DENND5B: variants seen among roughly 807,000 people sequenced by gnomAD.
DENND5B encodes the protein DENN domain containing 5B.
In DENND5B, 34 loss-of-function variants were observed where a neutral mutation model predicts 140.6. The ratio of observed to expected loss-of-function variants is 0.24; its 90% confidence interval spans 0.18 to 0.32. The LOEUF (loss-of-function observed/expected upper bound fraction) is 0.32, where lower values mean the gene tolerates loss of function less well. Among genes scored for constraint, DENND5B ranks in the 10% least tolerant of loss-of-function variants. The pLI, the probability that DENND5B is intolerant of heterozygous loss-of-function variation, is 1.00. For synonymous variants in DENND5B, 551 were observed against 562.1 expected (o/e 0.98, Z 0.28); for missense variants, 1,142 against 1,560.2 (o/e 0.73, Z 4.52).
chr12:31,579,880 C>T lies in DENND5B; in HGVS notation c.127+10826G>A, dbSNP rs552767211. ...TTTTTGGAATCTCTGGCCAAGAGGA[C>T]CTTACATGGTGCCATCTTAAAAAGT... On this transcript the variant is annotated intron_variant, in intron 1 of 20. Transcript: ENST00000389082. 8.6e-5 allele frequency among the ~76,000 whole-genome samples: 13 copies of T among 151,558 alleles called. 1 individual carries two copies. The highest frequency in any genetic ancestry group is 6.6e-4 in the Admixed American group (10 of 15,172).
intron 13 of DENND5B, among the ~76,000 whole-genome samples, chr12:31,412,068 C>T (rs1942490505): frequency 1.3e-5 from 2 of 152,122 alleles, no homozygotes; most frequent in African/African-American, 4.8e-5. Flanking sequence ...CCTGATTCAG[C>T]CTCCAAGTAG....
At chr12:31,589,572 A>G (rs919203279) in intron 1 of DENND5B, among the ~76,000 whole-genome samples, 20 of 152,112 alleles carry the variant, frequency 1.3e-4, no homozygotes, top group Non-Finnish European at 2.5e-4. Flanking sequence ...ATTGTTTATT[A>G]TTTAATATAT....
chr12:31,435,689 C>G (rs1273584384), intron 7 of DENND5B, among the ~76,000 whole-genome samples: 1 of 152,118 alleles, frequency 6.6e-6, no homozygotes, highest in Non-Finnish European at 1.5e-5. Context: ...GAGACGGAGT[C>G]TTGTTCTGTC....
At chr12:31,486,520 A>G (rs1946315866) in intron 2 of DENND5B, among the ~76,000 whole-genome samples, 1 of 152,214 alleles carries the variant, frequency 6.6e-6, no homozygotes, top group Non-Finnish European at 1.5e-5. Context: ...TTTCACTGGG[A>G]TTCAGTCACA....
chr12:31,423,563 C>A (rs1353616476), intron 11 of DENND5B, 34 bp downstream of exon 11: 2 of 1,605,592 alleles, frequency 1.2e-6, no homozygotes, highest in African/African-American at 2.7e-5. Context: ...TCTCAGAGTC[C>A]AGTGCTGCTA....
chr12:31,511,410 G>A (rs1034898731), intron 1 of DENND5B, among the ~76,000 whole-genome samples: 7 of 151,668 alleles, frequency 4.6e-5, no homozygotes, highest in South Asian at 4.2e-4. Context: ...AACCACTATC[G>A]TACAAACACT....
intron 4 of DENND5B, among the ~76,000 whole-genome samples, chr12:31,453,725 C>T (rs1944642590): frequency 6.6e-6 from 1 of 152,132 alleles, no homozygotes; most frequent in Admixed American, 6.5e-5. Context: ...TCCTAGACGG[C>T]AAAGTAAGGG....
chr12:31,498,323 T>C (rs1263684849), intron 1 of DENND5B, among the ~76,000 whole-genome samples: 1 of 152,208 alleles, frequency 6.6e-6, no homozygotes, highest in Non-Finnish European at 1.5e-5. Context: ...TCTTCATTCA[T>C]GTATCAAGTT....
At chr12:31,512,829 T>G (rs1591958018) in intron 1 of DENND5B, among the ~76,000 whole-genome samples, 1 of 152,038 alleles carries the variant, frequency 6.6e-6, no homozygotes, top group African/African-American at 2.4e-5. Flanking sequence ...TAGTAAAGTT[T>G]CCACATACCC....
At chr12:31,503,428 C>T (rs1411103644) in intron 1 of DENND5B, among the ~76,000 whole-genome samples, 2 of 152,068 alleles carry the variant, frequency 1.3e-5, no homozygotes, top group Non-Finnish European at 2.9e-5. Context: ...GGCGTGGTGG[C>T]AGGTGCTTGT....
rs765310183 is a variant in DENND5B at position 31,409,393 on chromosome 12, G to C, written c.2682-9C>G. On this transcript the variant is annotated splice_polypyrimidine_tract_variant and intron_variant, in intron 13 of 20. Coordinates refer to ENST00000389082, the MANE Select transcript of DENND5B (RefSeq NM_144973.4). ...ATCGCTTATAAAGCTTCCTAGGAAA[G>C]GGTAAGACAAGCACAAGACAGTAGT... The C allele has an allele frequency of 2.5e-5, 38 of 1,510,938 alleles. No homozygotes were observed. The highest frequency in any genetic ancestry group is 3.3e-5 in the Non-Finnish European group (37 of 1,125,460). 93.6% of individuals were successfully genotyped at this position (1,510,938 alleles called of 1,614,324 possible). A position where few individuals can be genotyped will look rare whatever the true frequency, so the allele number is the denominator to read the frequency against.
At chr12:31,404,749 C>T (rs1202596808) in intron 14 of DENND5B, among the ~76,000 whole-genome samples, 2 of 102,524 alleles carry the variant, frequency 2.0e-5, no homozygotes, top group Non-Finnish European at 3.9e-5. Context: ...CCACCGCGTC[C>T]GACCTCTAGC....
At chr12:31,467,603 AGAGT>A (rs1424220929) in intron 3 of DENND5B, among the ~76,000 whole-genome samples, 1 of 152,226 alleles carries the variant, frequency 6.6e-6, no homozygotes, top group African/African-American at 2.4e-5. Context: ...CCTAGGCAAC[AGAGT>A]GAGACCTTAT....
At chr12:31,466,062 C>A (rs145478216) in intron 3 of DENND5B, among the ~76,000 whole-genome samples, 48 of 152,244 alleles carry the variant, frequency 3.2e-4, no homozygotes, top group African/African-American at 9.4e-4. Flanking sequence ...CAGAGACACA[C>A]AGAAAATTGG....
chr12:31,429,270 G>A (rs1396549548), intron 8 of DENND5B, among the ~76,000 whole-genome samples: 1 of 152,198 alleles, frequency 6.6e-6, no homozygotes, highest in Non-Finnish European at 1.5e-5. Flanking sequence ...GCCTCCCAAA[G>A]TGCTGGGATT....
At chr12:31,422,208 A>T (rs1943055338) in intron 11 of DENND5B, among the ~76,000 whole-genome samples, 1 of 150,706 alleles carries the variant, frequency 6.6e-6, no homozygotes, top group Non-Finnish European at 1.5e-5. Flanking sequence ...TCACGAGGTT[A>T]GGAAATCGAG....
chr12:31,441,652 T>C (rs1944037958), intron 7 of DENND5B, among the ~76,000 whole-genome samples: 1 of 152,114 alleles, frequency 6.6e-6, no homozygotes, highest in Admixed American at 6.5e-5. Flanking sequence ...CAGCTCCAAA[T>C]GAAGTTGTTG....
chr12:31,447,856 C>A lies in DENND5B; in HGVS notation c.1630-87G>T. ...GCCTGAAAATTATGTTAACTCAGGA[C>A]ATTCCTTTTTTAAATCTTATAAAAC... On this transcript the variant is annotated intron_variant, in intron 5 of 20. Transcript: ENST00000389082. 5 of 912,762 alleles carry A rather than the reference C, an allele frequency of 5.5e-6. No homozygotes were observed. The South Asian group carries it at 7.5e-5, about 14-fold the overall frequency. The allele number at this position is 912,762 out of a possible 1,614,324, so 56.5% of individuals were successfully genotyped here.
intron 1 of DENND5B, among the ~76,000 whole-genome samples, chr12:31,519,920 GA>G (rs1485222037): frequency 6.6e-6 from 1 of 152,120 alleles, no homozygotes; most frequent in Non-Finnish European, 1.5e-5. Context: ...ACCCCAAAAA[GA>G]AACCCTGCAC....
Sources: allele counts gnomAD v4.1 joint callset (sites outside exome capture counted in the v4.1 genomes callset), GRCh38; gene constraint gnomAD v4.1.1; transcripts MANE v1.5; gene names NCBI Gene and HGNC (gene_info 2026-07-23, HGNC 2026-07-21).